XIRP2: variants seen among roughly 807,000 people sequenced by gnomAD.
XIRP2 encodes xin actin-binding repeat-containing protein 2.
Under a neutral mutation model 277.0 loss-of-function variants are expected in XIRP2, and 236 were observed. That is an observed-to-expected ratio of 0.85 (90% CI 0.77 to 0.95). The LOEUF (loss-of-function observed/expected upper bound fraction) is 0.95. Among genes scored for constraint, XIRP2 ranks in the 40% least tolerant of loss-of-function variants. The probability of loss-of-function intolerance (pLI) is 0.00; values close to 1 mark genes in which losing one functional copy is unlikely to be tolerated. For missense variants in XIRP2, 4,640 were observed against 4,157.5 expected, an observed-to-expected ratio of 1.12 and a Z score of -3.19; for synonymous variants, 1,490 against 1,416.5, an observed-to-expected ratio of 1.05 and a Z score of -1.17.
chr2:167,075,190 TG>T, intron 2 of XIRP2, among the ~76,000 whole-genome samples: 1 of 152,288 alleles, frequency 6.6e-6, no homozygotes, highest in Non-Finnish European at 1.5e-5. Context: ...TTTTTTGTTT[TG>T]TTTTGTTTTG....
At chr2:166,935,861 C>T (rs1396631423) in intron 2 of XIRP2, among the ~76,000 whole-genome samples, 2 of 152,034 alleles carry the variant, frequency 1.3e-5, no homozygotes, top group African/African-American at 4.8e-5. Context: ...TGAATAGTGC[C>T]GCAATAAACA....
chr2:167,194,225 G>T (rs916665888), intron 3 of XIRP2, among the ~76,000 whole-genome samples: 17 of 151,880 alleles, frequency 1.1e-4, no homozygotes, highest in African/African-American at 3.1e-4. Context: ...GGGATTACAG[G>T]CATGCACCAC....
chr2:166,916,568 A>C (rs1260035216), intron 2 of XIRP2, among the ~76,000 whole-genome samples: 1 of 152,214 alleles, frequency 6.6e-6, no homozygotes, highest in Non-Finnish European at 1.5e-5. Context: ...AAAAATAAAA[A>C]ATAAGGATTA....
At chr2:167,229,532 T>C (rs1390552215) in intron 5 of XIRP2, among the ~76,000 whole-genome samples, 1 of 152,102 alleles carries the variant, frequency 6.6e-6, no homozygotes, top group Non-Finnish European at 1.5e-5. Flanking sequence ...TTCCACGTAG[T>C]TACTTTTATG....
At chr2:166,897,851 T>G (rs1684282777) in intron 1 of XIRP2, among the ~76,000 whole-genome samples, 1 of 152,108 alleles carries the variant, frequency 6.6e-6, no homozygotes, top group Admixed American at 6.6e-5. Context: ...GGAACACCTC[T>G]CTAGGCAATA....
rs549434091 is a variant in XIRP2, at chr2:167,257,979, A to C, written c.*162A>C. 4 of 1,613,168 alleles carry C rather than the reference A, an allele frequency of 2.5e-6. No individual in the cohort carries two copies. In the East Asian group the frequency reaches 8.9e-5, roughly 36 times the overall value. ...CATAAGCAGCATAAAGATAGATGGA[A>C]CTGCAAAAACCAAAGCAGATCAGTG... On this transcript the variant is annotated 3_prime_UTR_variant, in exon 11 of 11. Transcript: ENST00000409195.
chr2:167,211,498 T>G (rs1478757537), intron 4 of XIRP2, among the ~76,000 whole-genome samples: 1 of 152,218 alleles, frequency 6.6e-6, no homozygotes, highest in African/African-American at 2.4e-5. Flanking sequence ...AAAGAGACAA[T>G]TTATGTGTAA....
chr2:167,059,921 T>G (rs1043896690), intron 2 of XIRP2, among the ~76,000 whole-genome samples: 3 of 152,188 alleles, frequency 2.0e-5, no homozygotes, highest in Non-Finnish European at 4.4e-5. Flanking sequence ...AGGGTCCTGC[T>G]GCCTTATAAG....
At chr2:167,000,745 A>G (rs2105454988) in intron 2 of XIRP2, among the ~76,000 whole-genome samples, 1 of 152,242 alleles carries the variant, frequency 6.6e-6, no homozygotes, top group East Asian at 1.9e-4. Context: ...TCTATATTCC[A>G]ATTGTTTCAA....
Position 166,914,555 on chromosome 2 carries a change from T to G in XIRP2, c.408+10665T>G, listed in dbSNP as rs138616709. ...TGGGATTTCACCATGTTAGCCAGGA[T>G]GATCTTGATCTCCTGACCTCGAGTG... On this transcript the variant is annotated intron_variant, in intron 2 of 10. Coordinates refer to ENST00000409195, the MANE Select transcript of XIRP2 (RefSeq NM_152381.6). Among the ~76,000 whole-genome samples, 1,452 of 152,230 alleles carry G rather than the reference T, an allele frequency of 9.5e-3. 23 individuals are homozygous for G. The highest frequency in any genetic ancestry group is 0.031 in the African/African-American group (1,305 of 41,546).
Position 167,194,947 on chromosome 2 carries a change from A to C in XIRP2, c.563-15788A>C, listed in dbSNP as rs531479475. 3.9e-5 allele frequency among the ~76,000 whole-genome samples: 6 copies of C among 152,332 alleles called. No individual in the cohort carries two copies. In the East Asian group the frequency reaches 1.2e-3, roughly 29 times the overall value. On this transcript the variant is annotated intron_variant, in intron 3 of 10. Coordinates refer to ENST00000409195, the MANE Select transcript of XIRP2 (RefSeq NM_152381.6). The stretch of plus-strand genomic sequence containing the variant: ...ATTTACTATATGAGTATAATGTAAC[A>C]TAATAACTATTATCCATATATTCCA...
chr2:166,893,710 T>C (rs1684168300), intron 1 of XIRP2, among the ~76,000 whole-genome samples: 1 of 152,180 alleles, frequency 6.6e-6, no homozygotes, highest in South Asian at 2.1e-4. Flanking sequence ...AGATCAAAAG[T>C]GTCAGTGCCA....
chr2:166,915,765 A>G (rs1034654696), intron 2 of XIRP2, among the ~76,000 whole-genome samples: 12 of 152,194 alleles, frequency 7.9e-5, no homozygotes, highest in African/African-American at 2.7e-4. Flanking sequence ...TGTGTTTTCA[A>G]TGCACACTTA....
intron 2 of XIRP2, among the ~76,000 whole-genome samples, chr2:167,014,829 A>G (rs1353345231): frequency 6.6e-6 from 1 of 151,830 alleles, no homozygotes; most frequent in Non-Finnish European, 1.5e-5. Context: ...GAGGTTTATG[A>G]AGGTTAAATC....
chr2:167,048,372 T>C (rs1688840241), intron 2 of XIRP2, among the ~76,000 whole-genome samples: 1 of 151,970 alleles, frequency 6.6e-6, no homozygotes, highest in Non-Finnish European at 1.5e-5. Context: ...CCTTTGATTA[T>C]AGAGATCACA....
At chr2:167,025,844 T>C (rs1339752413) in intron 2 of XIRP2, among the ~76,000 whole-genome samples, 1 of 152,044 alleles carries the variant, frequency 6.6e-6, no homozygotes, top group East Asian at 1.9e-4. Context: ...TTCTGTTCTT[T>C]TACATTTGCT....
chr2:167,172,533 A>G (rs1045865124), intron 3 of XIRP2, among the ~76,000 whole-genome samples: 4 of 152,154 alleles, frequency 2.6e-5, no homozygotes, highest in Admixed American at 6.5e-5. Context: ...ACTATAAAAG[A>G]CAGACGTCCC....
intron 2 of XIRP2, among the ~76,000 whole-genome samples, chr2:166,917,204 A>G (rs957555900): frequency 6.6e-6 from 1 of 152,184 alleles, no homozygotes. Flanking sequence ...CAGAGGTCCC[A>G]CTGAGAAGAG....
chr2:167,091,243 T>G (rs562101057), intron 2 of XIRP2, among the ~76,000 whole-genome samples: 1 of 152,100 alleles, frequency 6.6e-6, no homozygotes, highest in Non-Finnish European at 1.5e-5. Flanking sequence ...ATGTCTTTAT[T>G]GGTTTTGGGA....
Sources: allele counts gnomAD v4.1 joint callset (sites outside exome capture counted in the v4.1 genomes callset), GRCh38; gene constraint gnomAD v4.1.1; transcripts MANE v1.5; gene names NCBI Gene and HGNC (gene_info 2026-07-23, HGNC 2026-07-21).